The following PCDH7 variants were observed in gnomAD, a reference collection of about 807,000 sequenced individuals.
PCDH7 encodes protocadherin-7.
PCDH7 carries 17 observed loss-of-function variants against 58.9 expected under a neutral mutation model. The ratio of observed to expected loss-of-function variants is 0.29; its 90% CI spans 0.20 to 0.43. PCDH7 has a LOEUF of 0.43. Among genes scored for constraint, PCDH7 ranks in the 20% least tolerant of loss-of-function variants. The pLI, the probability that PCDH7 is intolerant of heterozygous loss-of-function variation, is 1.00. For missense variants in PCDH7, 1,274 were observed against 1,441.0 expected (o/e 0.88, Z 1.88); for synonymous variants, 664 against 616.4 (o/e 1.08, Z -1.14).
At chr4:30,831,862 GT>G (rs35056533) in intron 1 of PCDH7, among the ~76,000 whole-genome samples, 18,499 of 151,944 alleles carry the variant, frequency 0.12, 1,490 homozygotes, top group East Asian at 0.26. Flanking sequence ...TGCTAGTCAA[GT>G]TTTTTTTCCT....
intron 2 of PCDH7, among the ~76,000 whole-genome samples, chr4:30,932,730 G>A (rs1744797729): frequency 6.6e-6 from 1 of 152,076 alleles, no homozygotes; most frequent in Non-Finnish European, 1.5e-5. Flanking sequence ...GCCTCTGGGT[G>A]GTATCTGTAA....
In PCDH7 at chr4:31,082,891, G is replaced by A. The variant is rs899395782; in HGVS notation, c.*8-59582G>A. Among the ~76,000 whole-genome samples, 15 of 152,202 alleles carry A rather than the reference G, an allele frequency of 9.9e-5. No individual in the cohort carries two copies. In the East Asian group the frequency reaches 2.5e-3, roughly 26 times the overall value. ...CCAAGGGCCAAGGTGGGCGGATCAC[G>A]AGGTCAGGAGATCGAGACCATCCTG... On this transcript the variant is annotated intron_variant, in intron 3 of 3. Coordinates refer to the PCDH7 transcript ENST00000509759.
chr4:30,883,076 T>C lies in PCDH7; in HGVS notation c.71-37077T>C, dbSNP rs577933338. ...TTGGATTCTGTCAAGTGTGTGCACA[T>C]GTGCACACATGTGCACGGGCACACA... On this transcript the variant is annotated intron_variant, in intron 1 of 3. Transcript: ENST00000509759. Among the ~76,000 whole-genome samples, 26 of 152,316 alleles carry C rather than the reference T, an allele frequency of 1.7e-4. No homozygotes were observed. In the East Asian group the frequency reaches 3.9e-3, roughly 23 times the overall value.
Position 30,886,838 on chromosome 4 carries a change from T to C in PCDH7, c.71-33315T>C, listed in dbSNP as rs879716767. 8.5e-4 allele frequency among the ~76,000 whole-genome samples: 126 copies of C among 148,942 alleles called. 2 individuals are homozygous for C. The highest frequency in any genetic ancestry group is 8.8e-4 in the Non-Finnish European group (59 of 67,304). ...GTCCTTTGCAGGGACATGGATGAAA[T>C]TGGAAATCATCATTCTCAGTAAACT... is the stretch of plus-strand genomic sequence containing the variant. On this transcript the variant is annotated intron_variant, in intron 1 of 3. Coordinates refer to the PCDH7 transcript ENST00000509759.
rs761130640 is a variant in PCDH7, at chr4:30,721,682, G to A, written c.260G>A (p.Ser87Asn). 7 of 1,614,040 alleles carry A rather than the reference G, an allele frequency of 4.3e-6. No individual in the cohort carries two copies. The Admixed American group carries it at 8.3e-5, about 19-fold the overall frequency. Reference sequence around the variant, plus strand: ...AACCTCACTGGCGAGCTGAGCACGAGCGAGCGGCGCATCGACCGCGAGAAG... The same window carrying A: ...AACCTCACTGGCGAGCTGAGCACGAACGAGCGGCGCATCGACCGCGAGAAG... The change falls in exon 1 of 2, where the codon AGC becomes AAC. Residue 87 changes from serine to asparagine, a missense_variant. By Grantham distance (46) the Ser-to-Asn change is conservative. This residue lies in a region of PCDH7 where 212 missense variants were observed against 255.8 expected (regional missense o/e 0.83). Transcript: ENST00000361762. This position sits in a 1 kb window ranked among gnomAD's most constrained non-coding sequence, Gnocchi z 6.7.
intron 3 of PCDH7, among the ~76,000 whole-genome samples, chr4:30,970,445 C>T (rs1749480474): frequency 6.6e-6 from 1 of 151,098 alleles, no homozygotes; most frequent in Non-Finnish European, 1.5e-5. Flanking sequence ...CAGGCACCCA[C>T]CACCACGCCT....
chr4:30,827,195 T>TTA (rs1729203723), intron 1 of PCDH7, among the ~76,000 whole-genome samples: 1 of 152,206 alleles, frequency 6.6e-6, no homozygotes, highest in African/African-American at 2.4e-5. Flanking sequence ...ATTTACAAAC[T>TTA]TACTATATAG....
At chr4:30,841,460 C>T (rs535494076) in intron 1 of PCDH7, among the ~76,000 whole-genome samples, 2 of 152,224 alleles carry the variant, frequency 1.3e-5, no homozygotes, top group South Asian at 4.1e-4. Flanking sequence ...TTATGTTTTG[C>T]AGTCCAGCAA....
chr4:31,014,137 T>C (rs1366860395), intron 3 of PCDH7, among the ~76,000 whole-genome samples: 1 of 152,062 alleles, frequency 6.6e-6, no homozygotes, highest in Non-Finnish European at 1.5e-5. Context: ...GAAGTTTGCA[T>C]TGCTATAGAA....
chr4:31,136,646 C>G (rs1182584963), intron 3 of PCDH7, among the ~76,000 whole-genome samples: 1 of 152,164 alleles, frequency 6.6e-6, no homozygotes, highest in East Asian at 1.9e-4. Flanking sequence ...TCTCCTCTTC[C>G]AGAAAGTGTT....
chr4:31,131,245 G>T (rs565386609), intron 3 of PCDH7, among the ~76,000 whole-genome samples: 3 of 152,162 alleles, frequency 2.0e-5, no homozygotes, highest in African/African-American at 4.8e-5. Flanking sequence ...AAAGTAATAG[G>T]CAGTAAATAA....
intron 3 of PCDH7, among the ~76,000 whole-genome samples, chr4:31,130,301 A>G (rs181869205): frequency 6.6e-6 from 1 of 152,322 alleles, no homozygotes; most frequent in African/African-American, 2.4e-5. Context: ...TTGATTGATC[A>G]TATACAAATA....
At chr4:30,742,249 A>G (rs1372612372) in intron 1 of PCDH7, among the ~76,000 whole-genome samples, 1 of 152,148 alleles carries the variant, frequency 6.6e-6, no homozygotes, top group African/African-American at 2.4e-5. Context: ...ATAATCATGT[A>G]ACTGCACTGC....
exon 2 of PCDH7, chr4:30,732,672 T>A (rs1022614310): frequency 6.6e-6 from 1 of 152,166 alleles, no homozygotes; most frequent in African/African-American, 2.4e-5. Context: ...TGTGTTTCTG[T>A]TCTCGGTTGC....
rs533909075 is a variant in PCDH7, at chr4:30,813,786, C to T, written c.70+89190C>T. Among the ~76,000 whole-genome samples, 22 of 152,218 alleles carry T rather than the reference C, an allele frequency of 1.4e-4. No individual in the cohort carries two copies. The South Asian group carries it at 2.3e-3, about 16-fold the overall frequency. On this transcript the variant is annotated intron_variant, in intron 1 of 3. Coordinates refer to the PCDH7 transcript ENST00000509759. ...CATCCTGAGTCACTGAGATTACAGG[C>T]GCCTGCCACCACACCCGGCAAATTT...
intron 3 of PCDH7, among the ~76,000 whole-genome samples, chr4:31,102,392 AACG>A (rs1228117296): frequency 3.1e-4 from 47 of 152,294 alleles, no homozygotes; most frequent in African/African-American, 1.1e-3. Flanking sequence ...TTGTAGATTT[AACG>A]TGAAAATGAA....
intron 1 of PCDH7, among the ~76,000 whole-genome samples, chr4:30,791,997 T>C (rs889024279): frequency 6.6e-6 from 1 of 152,212 alleles, no homozygotes; most frequent in African/African-American, 2.4e-5. Context: ...ATATTTAATG[T>C]GTCTATTATA....
chr4:31,103,868 G>A (rs1715215540), intron 3 of PCDH7, among the ~76,000 whole-genome samples: 1 of 152,118 alleles, frequency 6.6e-6, no homozygotes, highest in African/African-American at 2.4e-5. Flanking sequence ...ACCACCAACT[G>A]CTTTCTTTTC....
chr4:30,752,151 A>G (rs986224150), intron 1 of PCDH7, among the ~76,000 whole-genome samples: 2 of 151,280 alleles, frequency 1.3e-5, no homozygotes, highest in Non-Finnish European at 2.9e-5. Context: ...TTTTCCTTCA[A>G]GATGGAGTCT....
Sources: gnomAD v4.1 joint callset for allele counts (sites outside exome capture counted in the v4.1 genomes callset) on GRCh38, gnomAD v4.1.1 for gene constraint, gnomAD v4.1.1 regional missense constraint, Gnocchi (gnomAD v3.1) non-coding constraint, MANE v1.5 for transcripts, NCBI Gene and HGNC (gene_info 2026-07-23, HGNC 2026-07-21) for gene names.